Variants in PHACTR3 observed in about 807,000 individuals in gnomAD.
PHACTR3 encodes phosphatase and actin regulator 3.
Under a neutral mutation model 66.8 loss-of-function variants are expected in PHACTR3, and 16 were observed. The ratio of observed to expected loss-of-function variants is 0.24; its 90% confidence interval spans 0.16 to 0.36. The LOEUF is 0.36. PHACTR3 is among the 10% of genes least tolerant of loss of function. PHACTR3 has a pLI of 1.00. For missense variants in PHACTR3, 647 were observed against 719.9 expected, an observed-to-expected ratio of 0.90 and a Z score of 1.16; for synonymous variants, 323 against 292.1, an observed-to-expected ratio of 1.11 and a Z score of -1.08.
At chr20:59,834,453 C>A (rs1046077457) in intron 8 of PHACTR3, among the ~76,000 whole-genome samples, 4 of 152,268 alleles carry the variant, frequency 2.6e-5, no homozygotes, top group East Asian at 1.9e-4. Context: ...AAGGGGAGAC[C>A]CCAGACAACT....
chr20:59,846,134 C>A (rs1287792806), intron 12 of PHACTR3, among the ~76,000 whole-genome samples: 1 of 152,112 alleles, frequency 6.6e-6, no homozygotes. Flanking sequence ...ATGCTCAAGG[C>A]CCACATACAA....
chr20:59,773,288 C>T lies in PHACTR3; in HGVS notation c.761C>T (p.Thr254Ile), dbSNP rs138350556. Reference protein sequence around the residue: ...KTTKNVTGQATLFQASSMKSA... With the variant: ...KTTKNVTGQAILFQASSMKSA... ...TCCTCCCACACCCCAGGCCAAGCCA[C>T]ACTCTTCCAAGCCTCCAGCATGAAG... Residue 254 changes from threonine to isoleucine, a missense_variant, in exon 6 of 13, where the codon ACA becomes ATA. By Grantham distance (89) the Thr-to-Ile change is moderately conservative. Transcript: ENST00000371015. 1,212 of 1,613,814 alleles carry T rather than the reference C, an allele frequency of 7.5e-4. 8 individuals carry two copies. The African/African-American group carries it at 0.015, about 20-fold the overall frequency.
intron 1 of PHACTR3, among the ~76,000 whole-genome samples, chr20:59,592,607 C>G (rs1003529873): frequency 3.9e-5 from 6 of 152,152 alleles, no homozygotes; most frequent in African/African-American, 1.4e-4. Context: ...TAGTATCATA[C>G]AGATACTGCC....
intron 1 of PHACTR3, among the ~76,000 whole-genome samples, chr20:59,730,054 T>C (rs929463680): frequency 1.3e-5 from 2 of 152,166 alleles, no homozygotes; most frequent in African/African-American, 4.8e-5. Context: ...CTTTTGGTTC[T>C]CATATACTTG....
chr20:59,718,696 C>T (rs1056751048), intron 1 of PHACTR3, among the ~76,000 whole-genome samples: 1 of 152,182 alleles, frequency 6.6e-6, no homozygotes, highest in Non-Finnish European at 1.5e-5. Flanking sequence ...GGGTCGATGA[C>T]AGCTGAATAT....
intron 12 of PHACTR3, among the ~76,000 whole-genome samples, chr20:59,846,413 T>C (rs2059147109): frequency 6.6e-6 from 1 of 152,168 alleles, no homozygotes; most frequent in Admixed American, 6.5e-5. Flanking sequence ...ATGACTAACA[T>C]ACTTTTGGGG....
At chr20:59,844,967 A>C (rs1027790745) in intron 11 of PHACTR3, 8 of 388,776 alleles carry the variant, frequency 2.1e-5, no homozygotes, top group African/African-American at 1.5e-4. Context: ...GTATCAATAA[A>C]ATTTTTACAA....
At chr20:59,651,709 G>A (rs533646637) in intron 1 of PHACTR3, among the ~76,000 whole-genome samples, 4 of 152,238 alleles carry the variant, frequency 2.6e-5, no homozygotes, top group East Asian at 3.9e-4. Context: ...AAGGGGTATC[G>A]GAAGACAATA....
intron 1 of PHACTR3, among the ~76,000 whole-genome samples, chr20:59,596,079 A>G (rs1014995174): frequency 3.3e-5 from 5 of 152,044 alleles, no homozygotes; most frequent in Admixed American, 1.3e-4. Flanking sequence ...CCCCTCCTCC[A>G]TGGGTAGCTA....
intron 8 of PHACTR3, 57 bp from the exon 9 acceptor site, chr20:59,836,448 G>T (rs773014998): frequency 6.4e-7 from 1 of 1,559,144 alleles, no homozygotes; most frequent in Non-Finnish European, 8.7e-7. Context: ...CAGACCCCAG[G>T]TGGAATTTGC....
chr20:59,681,139 GCA>G lies in PHACTR3; in HGVS notation c.119-61967_119-61966del, dbSNP rs2036628754. Among the ~76,000 whole-genome samples the G allele has an allele frequency of 3.3e-5, 5 of 151,818 alleles. No homozygotes were observed. In the South Asian group the frequency reaches 1.0e-3, roughly 32 times the overall value. ...TACACACTTCTCTGGCTGCTTTCCAGCAGCATAGCTGAGGCAGAGACCATAGA... is the reference window on the plus strand; with the variant it reads ...TACACACTTCTCTGGCTGCTTTCCAGGCATAGCTGAGGCAGAGACCATAGA... On this transcript the variant is annotated intron_variant, in intron 1 of 12. Transcript: ENST00000371015.
intron 4 of PHACTR3, among the ~76,000 whole-genome samples, chr20:59,764,797 C>T (rs116812758): frequency 5.3e-5 from 8 of 152,218 alleles, no homozygotes; most frequent in African/African-American, 1.9e-4. Context: ...ATGCAAGGAC[C>T]ATATTAAAGG....
chr20:59,710,950 T>C (rs1372813767), intron 1 of PHACTR3, among the ~76,000 whole-genome samples: 1 of 152,226 alleles, frequency 6.6e-6, no homozygotes, highest in Non-Finnish European at 1.5e-5. Context: ...ACACTCATTA[T>C]AGAATATTTA....
At chr20:59,671,710 C>A (rs1236095992) in intron 1 of PHACTR3, among the ~76,000 whole-genome samples, 2 of 152,236 alleles carry the variant, frequency 1.3e-5, no homozygotes, top group African/African-American at 4.8e-5. Context: ...TCTCCGGGGC[C>A]TGCACCATGC....
At chr20:59,679,011 T>A (rs1040522500) in intron 1 of PHACTR3, among the ~76,000 whole-genome samples, 9 of 152,194 alleles carry the variant, frequency 5.9e-5, no homozygotes, top group Middle Eastern at 3.2e-3. Context: ...CAGGTGATGC[T>A]GACGCCGGTC....
chr20:59,666,961 A>G (rs2036016100), intron 1 of PHACTR3, among the ~76,000 whole-genome samples: 1 of 152,186 alleles, frequency 6.6e-6, no homozygotes, highest in South Asian at 2.1e-4. Context: ...ATTACCTTTG[A>G]GGGTCGTTTA....
intron 1 of PHACTR3, among the ~76,000 whole-genome samples, chr20:59,699,887 G>A (rs946925391): frequency 1.8e-4 from 28 of 152,144 alleles, no homozygotes; most frequent in African/African-American, 6.8e-4. Context: ...ATTTGAACCT[G>A]GGAGGTGGAA....
At chr20:59,590,892 G>A (rs752769139) in intron 1 of PHACTR3, among the ~76,000 whole-genome samples, 1 of 152,156 alleles carries the variant, frequency 6.6e-6, no homozygotes, top group African/African-American at 2.4e-5. Flanking sequence ...CATTGATGAG[G>A]GTGGGGCCCT....
At chr20:59,649,324 A>C (rs2035385654) in intron 1 of PHACTR3, among the ~76,000 whole-genome samples, 2 of 152,230 alleles carry the variant, frequency 1.3e-5, no homozygotes. Flanking sequence ...TATTTTCCTT[A>C]AAAAGATTTC....
Sources: allele counts gnomAD v4.1 joint callset (sites outside exome capture counted in the v4.1 genomes callset), GRCh38; gene constraint gnomAD v4.1.1; transcripts MANE v1.5; gene names NCBI Gene and HGNC (gene_info 2026-07-23, HGNC 2026-07-21).